The following TMEM52 variants were observed in gnomAD, a reference collection of about 807,000 sequenced individuals.
TMEM52 encodes the protein transmembrane protein 52.
TMEM52 carries 14 observed loss-of-function variants against 16.2 expected under a neutral mutation model. The ratio of observed to expected loss-of-function variants is 0.87; its 90% CI spans 0.57 to 1.35. TMEM52 has a LOEUF of 1.35. TMEM52 is among the 40% of genes most tolerant of loss of function. The probability of loss-of-function intolerance (pLI) is 0.00; values close to 1 mark genes in which losing one functional copy is unlikely to be tolerated. For missense variants in TMEM52, 309 were observed against 278.6 expected (o/e 1.11, Z -0.78); for synonymous variants, 136 against 124.7 (o/e 1.09, Z -0.60).
chr1:1,919,006 G>A lies in TMEM52; in HGVS notation c.128+39C>T. 3.0e-6 allele frequency: 4 copies of A among 1,341,242 alleles called. No homozygotes were observed. The South Asian group carries it at 5.8e-5, about 19-fold the overall frequency. 83.1% of individuals were successfully genotyped at this position (1,341,242 alleles called of 1,614,324 possible). On this transcript the variant is annotated intron_variant, in intron 2 of 4. Coordinates refer to ENST00000310991, the MANE Select transcript of TMEM52 (RefSeq NM_178545.4). ...ACCTCGCCACCCGTGCCTCCCCATAGGGCGGGGCCAGGCCCCGGCTCCCTC... is the reference window on the plus strand; with the variant it reads ...ACCTCGCCACCCGTGCCTCCCCATAAGGCGGGGCCAGGCCCCGGCTCCCTC...
intron 3 of TMEM52, 81 bp from the exon 4 acceptor site, chr1:1,918,512 C>T: frequency 1.7e-6 from 2 of 1,190,164 alleles, no homozygotes; most frequent in Non-Finnish European, 2.5e-6. Flanking sequence ...GGCACAACCA[C>T]CGAAGACAGG....
chr1:1,918,268 G>C lies in TMEM52; in HGVS notation c.334C>G (p.His112Asp). The C allele has an allele frequency of 6.2e-7, 1 of 1,612,764 alleles. No homozygotes were observed. Residue 112 changes from histidine (H) to aspartate (D), a missense_variant, in exon 4 of 5, where the codon CAC (histidine) becomes GAC (aspartate). His to Asp is a moderately conservative substitution (Grantham distance 81). Coordinates refer to ENST00000310991, the MANE Select transcript of TMEM52 (RefSeq NM_178545.4). ...VIPMDSDSPV[H>D]STVTSYSSVQ... is the part of the protein sequence containing the mutation. ...AGGCACTCACAGGTCACAGTGCTGT[G>C]TACAGGGCTGTCACTGTCCATAGGG... is the stretch of plus-strand genomic sequence containing the variant.
intron 3 of TMEM52, 105 bp downstream of exon 3, chr1:1,918,788 C>T (rs1570796452): frequency 4.5e-6 from 6 of 1,335,550 alleles, no homozygotes; most frequent in African/African-American, 4.4e-5. Context: ...CGGGACTGGG[C>T]GACAGCGGAG....
In TMEM52 at chr1:1,917,818, G is replaced by A; in HGVS notation, c.*64C>T. ...CCACAGCAATGTGTGGGACGGTGGG[G>A]TGGGCTGGGGCCCTTGGCTCCAAGC... On this transcript the variant is annotated 3_prime_UTR_variant, in exon 5 of 5. Coordinates refer to ENST00000310991, the MANE Select transcript of TMEM52 (RefSeq NM_178545.4). 9 of 1,539,970 alleles carry A rather than the reference G, an allele frequency of 5.8e-6. No individual in the cohort carries two copies. The highest frequency in any genetic ancestry group is 2.4e-5 in the South Asian group (2 of 83,936).
chr1:1,919,191 C>T lies in TMEM52; in HGVS notation c.75G>A (p.Pro25=), dbSNP rs1385222640. ...LPLLPLLPLL[P]LPQVALGFAD... ...ACGCCGCCCGACCCACCTGCGGCAG[C>T]GGCAGGAGCGGCAGGAGCGGCAGGA... The change falls in exon 1 of 5, where the codon CCG becomes CCA. Residue 25 remains proline, a synonymous_variant. Transcript: ENST00000310991. 7.6e-6 allele frequency: 3 copies of T among 395,996 alleles called. No homozygotes were observed. The highest frequency in any genetic ancestry group is 4.0e-5 in the African/African-American group (2 of 49,856). The allele number at this position is 395,996 out of a possible 1,614,324, so 24.5% of individuals were successfully genotyped here.
At position 1,919,167 on chromosome 1, in the gene TMEM52, C is replaced by T. The variant is rs994446452; in HGVS notation, c.84+15G>A. ...CCGCGGTGGCCGAACCGAGAGAGAACGCCGCCCGACCCACCTGCGGCAGCG... is the reference window on the plus strand; with the variant it reads ...CCGCGGTGGCCGAACCGAGAGAGAATGCCGCCCGACCCACCTGCGGCAGCG... On this transcript the variant is annotated intron_variant, in intron 1 of 4. Transcript: ENST00000310991. 2 of 1,367,694 alleles carry T rather than the reference C, an allele frequency of 1.5e-6. No homozygotes were observed. Among genetic ancestry groups the T allele is most frequent in the Non-Finnish European group, 1.9e-6 (2 of 1,067,144 alleles). 84.7% of individuals were successfully genotyped at this position (1,367,694 alleles called of 1,614,324 possible). A position where few individuals can be genotyped will look rare whatever the true frequency, so the allele number is the denominator to read the frequency against.
In TMEM52 at chr1:1,917,863, G is replaced by C. The variant is rs1651195403; in HGVS notation, c.*19C>G. 6.2e-7 allele frequency: 1 copy of C among 1,608,054 alleles called. No individual in the cohort carries two copies. Among genetic ancestry groups the C allele is most frequent in the South Asian group, 1.1e-5 (1 of 90,908 alleles). The stretch of plus-strand genomic sequence containing the variant: ...CCAAGCATTAGTTCTCCAAGCTCTG[G>C]TCCGTTCTCCTACCTCCTTCAAGGG... On this transcript the variant is annotated 3_prime_UTR_variant, in exon 5 of 5. Transcript: ENST00000310991.
Position 1,917,929 on chromosome 1 carries a change from A to AGT in TMEM52, c.582_583insAC (p.Ser195ThrfsTer29). On this transcript the variant is annotated frameshift_variant, in exon 5 of 5. Transcript: ENST00000310991. LOFTEE classifies it low-confidence loss of function (END_TRUNC). ...GGTGGTAGTTGAGTATTGGGGCCCG[A>AGT]CTCCTGGGGCACTGGAGTGGTCTCT... 1 of 1,613,344 alleles carries AGT rather than the reference A, an allele frequency of 6.2e-7. No individual in the cohort carries two copies. The highest frequency in any genetic ancestry group is 8.5e-7 in the Non-Finnish European group (1 of 1,179,886).
At position 1,918,612 on chromosome 1, in the gene TMEM52, A is replaced by C. The variant is rs971841325; in HGVS notation, c.171-181T>G. The C allele has an allele frequency of 2.0e-5, 15 of 749,460 alleles. No individual in the cohort carries two copies. In the East Asian group the frequency reaches 2.7e-4, roughly 13 times the overall value. The allele number at this position is 749,460 out of a possible 1,614,324, so 46.4% of individuals were successfully genotyped here. On this transcript the variant is annotated intron_variant, in intron 3 of 4. Transcript: ENST00000310991. ...TCGGGCTGCTGGGCCTGCCCTGGCT[A>C]TCTCTCCTGGGCTGGCCAGGGGTGG...
rs1651251586 is a variant in TMEM52, at chr1:1,919,100, A to C, written c.85-12T>G. On this transcript the variant is annotated splice_polypyrimidine_tract_variant and intron_variant, in intron 1 of 4. Coordinates refer to ENST00000310991, the MANE Select transcript of TMEM52 (RefSeq NM_178545.4). ...AAGCCCAGCGCCACCTGTGGGGACA[A>C]GGGTGAGCCCGGGAGGGGCGTGGTC... The C allele has an allele frequency of 7.4e-7, 1 of 1,350,840 alleles. No homozygotes were observed. Among genetic ancestry groups the C allele is most frequent in the South Asian group, 1.9e-5 (1 of 53,440 alleles). The allele number at this position is 1,350,840 out of a possible 1,614,324, so 83.7% of individuals were successfully genotyped here.
chr1:1,919,128 A>C, intron 1 of TMEM52, 40 bp from the exon 2 acceptor site: 1 of 1,359,968 alleles, frequency 7.4e-7, no homozygotes, highest in Non-Finnish European at 9.4e-7. Context: ...GCGTGGTCCG[A>C]GCAGGGACCC....
intron 3 of TMEM52, 195 bp from the exon 4 acceptor site, chr1:1,918,626 G>T: frequency 1.4e-6 from 1 of 714,262 alleles, no homozygotes; most frequent in Non-Finnish European, 2.5e-6. Flanking sequence ...CTCCTGGGCT[G>T]GCCAGGGGTG....
chr1:1,919,082 G>T lies in TMEM52; in HGVS notation c.91C>A (p.Leu31Met). Reference sequence around the variant, plus strand: ...TCGCAGCTGCCGTCCGCGAAGCCCAGCGCCACCTGTGGGGACAAGGGTGAG... The same window carrying T: ...TCGCAGCTGCCGTCCGCGAAGCCCATCGCCACCTGTGGGGACAAGGGTGAG... ...LPLLPLPQVA[L>M]GFADGSCDPS... The change falls in exon 2 of 5, where the codon CTG becomes ATG. Residue 31 changes from leucine to methionine, a missense_variant. Transcript: ENST00000310991. 1 of 1,343,872 alleles carries T rather than the reference G, an allele frequency of 7.4e-7. No individual in the cohort carries two copies. Among genetic ancestry groups the T allele is most frequent in the South Asian group, 1.9e-5 (1 of 52,002 alleles). 83.2% of individuals were successfully genotyped at this position (1,343,872 alleles called of 1,614,324 possible).
chr1:1,918,536 A>T (rs1279152445), intron 3 of TMEM52, 105 bp from the exon 4 acceptor site: 1 of 1,033,444 alleles, frequency 9.7e-7, no homozygotes, highest in Non-Finnish European at 1.5e-6. Flanking sequence ...ACAGGATAAA[A>T]AGCAGACAAT....
chr1:1,918,313 G>C lies in TMEM52; in HGVS notation c.289C>G (p.Pro97Ala), dbSNP rs769680411. Residue 97 changes from proline (P) to alanine (A), a missense_variant, in exon 4 of 5, where the codon CCC becomes GCC. Pro to Ala is a conservative substitution (Grantham distance 27). Transcript: ENST00000310991. ...AQPHLPPARQ[P>A]CDVAVIPMDS... ...ATAGGGATGACTGCCACGTCGCAGG[G>C]CTGCCGTGCTGGTGGCAGATGTGGC... is the stretch of plus-strand genomic sequence containing the variant. 3.1e-6 allele frequency: 5 copies of C among 1,612,908 alleles called. No individual in the cohort carries two copies. The highest frequency in any genetic ancestry group is 4.2e-6 in the Non-Finnish European group (5 of 1,179,986).
rs766086127 is a variant in TMEM52 at position 1,918,180 on chromosome 1, G to A, written c.350-18C>T. The A allele has an allele frequency of 1.4e-5, 23 of 1,609,446 alleles. No homozygotes were observed. Among genetic ancestry groups the A allele is most frequent in the East Asian group, 2.2e-5 (1 of 44,776 alleles). Reference sequence around the variant, plus strand: ...GCTGTAGGCTGCAGGGAACCAGAGTGGGTTCGTGGAGGCGGGCTTGGCATT... The same window carrying A: ...GCTGTAGGCTGCAGGGAACCAGAGTAGGTTCGTGGAGGCGGGCTTGGCATT... On this transcript the variant is annotated intron_variant, in intron 4 of 4. Coordinates refer to ENST00000310991, the MANE Select transcript of TMEM52 (RefSeq NM_178545.4).
chr1:1,918,917 C>T lies in TMEM52; in HGVS notation c.146G>A (p.Arg49His). The T allele has an allele frequency of 1.4e-6, 2 of 1,404,556 alleles. No homozygotes were observed. The highest frequency in any genetic ancestry group is 3.4e-5 in the Admixed American group (1 of 29,148). 87.0% of individuals were successfully genotyped at this position (1,404,556 alleles called of 1,614,324 possible). A position where few individuals can be genotyped will look rare whatever the true frequency, so the allele number is the denominator to read the frequency against. Residue 49 changes from arginine to histidine, a missense_variant, in exon 3 of 5, where the codon CGC (arginine) becomes CAC (histidine). By Grantham distance (29) the Arg-to-His change is conservative. Transcript: ENST00000310991. ...CCCCACGTGCCACAGGCTGCTCCAG[C>T]GGGCCTGGGGCGGGCACCTGTGGGG... is the stretch of plus-strand genomic sequence containing the variant. ...DPSDQCPPQA[R>H]WSSLWHVGLI... is the part of the protein sequence containing the mutation.
In TMEM52 at chr1:1,919,032, C is replaced by T. The variant is rs560617687; in HGVS notation, c.128+13G>A. On this transcript the variant is annotated intron_variant, in intron 2 of 4. Transcript: ENST00000310991. ...GGCGGGGCCAGGCCCCGGCTCCCTC[C>T]CCCCCGACTTACTGGTCCGAGGGGT... The T allele has an allele frequency of 3.1e-4, 421 of 1,337,960 alleles. 1 individual carries two copies. The African/African-American group carries it at 3.9e-3, about 12-fold the overall frequency. 82.9% of individuals were successfully genotyped at this position (1,337,960 alleles called of 1,614,324 possible).
At chr1:1,918,631 G>T in intron 3 of TMEM52, 200 bp from the exon 4 acceptor site, 1 of 719,866 alleles carries the variant, frequency 1.4e-6, no homozygotes, top group Non-Finnish European at 2.4e-6. Context: ...GGGCTGGCCA[G>T]GGGTGGCCTT....
Sources: gnomAD v4.1 joint callset for allele counts on GRCh38, gnomAD v4.1.1 for gene constraint, MANE v1.5 for transcripts, NCBI Gene and HGNC (gene_info 2026-07-23, HGNC 2026-07-21) for gene names.